ADAM18: variants seen among roughly 807,000 people sequenced by gnomAD.
ADAM18 encodes ADAM metallopeptidase domain 18.
ADAM18 carries 117 observed loss-of-function variants against 94.4 expected under a neutral mutation model. That is an observed-to-expected ratio of 1.24 (90% CI 1.07 to 1.45). The LOEUF (loss-of-function observed/expected upper bound fraction) is 1.45. Among genes scored for constraint, ADAM18 ranks in the 40% most tolerant of loss-of-function variants. The probability of loss-of-function intolerance (pLI) is 0.00; values close to 1 mark genes in which losing one functional copy is unlikely to be tolerated. For synonymous variants in ADAM18, 327 were observed against 291.6 expected (o/e 1.12, Z -1.24); for missense variants, 936 against 880.0 (o/e 1.06, Z -0.81).
At chr8:39,683,802 G>A (rs945852023) in intron 16 of ADAM18, among the ~76,000 whole-genome samples, 1 of 151,998 alleles carries the variant, frequency 6.6e-6, no homozygotes, top group African/African-American at 2.4e-5. Context: ...AAGGCAAGAT[G>A]GCAAATATTT....
At chr8:39,591,647 C>T (rs569476234) in intron 2 of ADAM18, among the ~76,000 whole-genome samples, 11 of 152,214 alleles carry the variant, frequency 7.2e-5, no homozygotes, top group African/African-American at 2.6e-4. Flanking sequence ...TTCTTGAATC[C>T]CTCAAAGTCA....
At chr8:39,620,357 C>CAAAAAA (rs61555393) in intron 6 of ADAM18, among the ~76,000 whole-genome samples, 6 of 90,564 alleles carry the variant, frequency 6.6e-5, no homozygotes, top group South Asian at 3.6e-4. Flanking sequence ...GCAACAAAAG[C>CAAAAAA]AAAAAAAAAA....
At chr8:39,670,960 T>C (rs913466416) in intron 14 of ADAM18, among the ~76,000 whole-genome samples, 8 of 152,264 alleles carry the variant, frequency 5.3e-5, no homozygotes, top group Admixed American at 5.2e-4. Flanking sequence ...AGGTTATTTA[T>C]ACCACACAGC....
In ADAM18 at chr8:39,584,693, C is replaced by T. The variant is rs1312050056; in HGVS notation, c.55+16C>T. On this transcript the variant is annotated intron_variant, in intron 1 of 19. Coordinates refer to ENST00000265707, the MANE Select transcript of ADAM18 (RefSeq NM_014237.3). ...GCCCACGAAGGTAAGTCCATGGGAG[C>T]CTCCCCTTTCTTCTTCGACTTTATA... 1 of 1,611,694 alleles carries T rather than the reference C, an allele frequency of 6.2e-7. No homozygotes were observed. Among genetic ancestry groups the T allele is most frequent in the Non-Finnish European group, 8.5e-7 (1 of 1,179,602 alleles).
chr8:39,696,139 A>G (rs113245971), intron 17 of ADAM18, among the ~76,000 whole-genome samples: 90 of 151,558 alleles, frequency 5.9e-4, no homozygotes, highest in African/African-American at 2.1e-3. Flanking sequence ...CCATTTCCCT[A>G]GTGATTAGCA....
At chr8:39,705,652 A>G (rs1405936604) in intron 17 of ADAM18, among the ~76,000 whole-genome samples, 2 of 152,182 alleles carry the variant, frequency 1.3e-5, no homozygotes, top group East Asian at 1.9e-4. Context: ...ATAGAATACT[A>G]CTTCATGGAA....
At chr8:39,603,682 T>C (rs1473118297) in intron 2 of ADAM18, among the ~76,000 whole-genome samples, 1 of 152,248 alleles carries the variant, frequency 6.6e-6, no homozygotes, top group East Asian at 1.9e-4. Context: ...CCTATATTGT[T>C]AGTTTTGTGT....
chr8:39,670,565 T>G (rs1272168951), intron 14 of ADAM18, among the ~76,000 whole-genome samples: 2 of 152,202 alleles, frequency 1.3e-5, no homozygotes, highest in African/African-American at 4.8e-5. Flanking sequence ...TAATCAAAAT[T>G]ATACATCGAG....
At chr8:39,720,650 G>T (rs919811468) in intron 18 of ADAM18, among the ~76,000 whole-genome samples, 4 of 151,276 alleles carry the variant, frequency 2.6e-5, no homozygotes, top group African/African-American at 9.7e-5. Context: ...GCCTCATGGG[G>T]TTTACATTTG....
chr8:39,634,418 G>A (rs1820020898), intron 7 of ADAM18, among the ~76,000 whole-genome samples: 1 of 152,182 alleles, frequency 6.6e-6, no homozygotes, highest in South Asian at 2.1e-4. Flanking sequence ...ACCTGGGAAA[G>A]CTGCATGCAT....
At chr8:39,675,702 G>T (rs984640820) in intron 14 of ADAM18, among the ~76,000 whole-genome samples, 7 of 152,188 alleles carry the variant, frequency 4.6e-5, no homozygotes, top group Non-Finnish European at 1.0e-4. Context: ...AGGAGAAGAG[G>T]CACTCTGATT....
At chr8:39,669,716 G>C (rs1821100760) in intron 14 of ADAM18, among the ~76,000 whole-genome samples, 1 of 151,960 alleles carries the variant, frequency 6.6e-6, no homozygotes, top group African/African-American at 2.4e-5. Flanking sequence ...GTCCATCATT[G>C]TTGGACATTT....
At chr8:39,604,290 G>A (rs1471965297) in intron 2 of ADAM18, among the ~76,000 whole-genome samples, 3 of 152,120 alleles carry the variant, frequency 2.0e-5, no homozygotes, top group Non-Finnish European at 4.4e-5. Context: ...CCCTCATTAC[G>A]CATTAGAAAA....
At chr8:39,644,701 A>G (rs200799859) in intron 10 of ADAM18, among the ~76,000 whole-genome samples, 1 of 152,128 alleles carries the variant, frequency 6.6e-6, no homozygotes, top group South Asian at 2.1e-4. Context: ...CCCTATACGT[A>G]TACATAATGT....
At position 39,610,657 on chromosome 8, in the gene ADAM18, G is replaced by A. The variant is rs780206354; in HGVS notation, c.473G>A (p.Ser158Asn). ...GTATCCATTTTAGCAGTAAATTACA[G>A]TCATATTTGGCAGAAAGACCAGCCC... ...PNVSILAVNY[S>N]HIWQKDQPYK... The change falls in exon 6 of 20, where the codon AGT (serine) becomes AAT (asparagine). Residue 158 changes from serine (S) to asparagine (N), a missense_variant. By Grantham distance (46) the Ser-to-Asn change is conservative. Transcript: ENST00000265707. The A allele has an allele frequency of 1.2e-6, 2 of 1,613,190 alleles. No individual in the cohort carries two copies. Among genetic ancestry groups the A allele is most frequent in the Non-Finnish European group, 1.7e-6 (2 of 1,179,484 alleles).
At chr8:39,620,357 C>CAAAAAAAAAAA (rs61555393) in intron 6 of ADAM18, among the ~76,000 whole-genome samples, 1,155 of 90,102 alleles carry the variant, frequency 0.013, 1 homozygote, top group Non-Finnish European at 0.017. Flanking sequence ...GCAACAAAAG[C>CAAAAAAAAAAA]AAAAAAAAAA....
chr8:39,689,480 G>A (rs184395969), intron 16 of ADAM18, among the ~76,000 whole-genome samples: 22 of 152,010 alleles, frequency 1.4e-4, no homozygotes, highest in Non-Finnish European at 4.4e-5. Context: ...TTTTTGTCAG[G>A]TTTGTCAAAG....
At chr8:39,638,800 C>T (rs1820158429) in intron 10 of ADAM18, among the ~76,000 whole-genome samples, 2 of 151,816 alleles carry the variant, frequency 1.3e-5, no homozygotes, top group South Asian at 4.1e-4. Context: ...TGGACACGAA[C>T]ATTTGCTTTA....
chr8:39,614,924 T>G (rs750818402), intron 6 of ADAM18, among the ~76,000 whole-genome samples: 1 of 152,174 alleles, frequency 6.6e-6, no homozygotes, highest in Non-Finnish European at 1.5e-5. Flanking sequence ...AAACAGATTT[T>G]CACTTAACAC....
Sources: allele counts gnomAD v4.1 joint callset (sites outside exome capture counted in the v4.1 genomes callset), GRCh38; gene constraint gnomAD v4.1.1; transcripts MANE v1.5; gene names NCBI Gene and HGNC (gene_info 2026-07-23, HGNC 2026-07-21).